SPTBN1: variants seen among roughly 807,000 people sequenced by gnomAD.
SPTBN1 encodes spectrin beta chain, non-erythrocytic 1.
In SPTBN1, 32 loss-of-function variants were observed where a neutral mutation model predicts 266.4. The ratio of observed to expected loss-of-function variants is 0.12; its 90% CI spans 0.09 to 0.16. The LOEUF (loss-of-function observed/expected upper bound fraction) is 0.16, where lower values mean the gene tolerates loss of function less well. Among genes scored for constraint, SPTBN1 ranks in the 10% least tolerant of loss-of-function variants. The pLI is 1.00. For missense variants in SPTBN1, 2,296 were observed against 3,067.1 expected, an observed-to-expected ratio of 0.75 and a Z score of 5.94; for synonymous variants, 1,336 against 1,162.2, an observed-to-expected ratio of 1.15 and a Z score of -3.04.
At chr2:54,472,949 C>G (rs909176502) in intron 1 of SPTBN1, among the ~76,000 whole-genome samples, 5 of 152,138 alleles carry the variant, frequency 3.3e-5, no homozygotes, top group African/African-American at 1.2e-4. Context: ...AAAGGATTTC[C>G]TAAAAGATGA....
chr2:54,465,878 G>T (rs763887013), intron 1 of SPTBN1, among the ~76,000 whole-genome samples: 2 of 151,962 alleles, frequency 1.3e-5, no homozygotes, highest in Admixed American at 1.3e-4. Flanking sequence ...GTCTCTAAGT[G>T]TGTTGGTACT....
At chr2:54,587,062 C>T (rs981848453) in intron 2 of SPTBN1, among the ~76,000 whole-genome samples, 5 of 152,228 alleles carry the variant, frequency 3.3e-5, no homozygotes, top group African/African-American at 9.6e-5. Context: ...AATAAACTAC[C>T]TCTGACTAGC....
In SPTBN1 at chr2:54,646,356, A is replaced by G. The variant is rs771185514; in HGVS notation, c.4747A>G (p.Lys1583Glu). The change falls in exon 23 of 36, where the codon AAA (lysine) becomes GAA (glutamate). Residue 1583 changes from lysine to glutamate, a missense_variant. Coordinates refer to ENST00000356805, the MANE Select transcript of SPTBN1 (RefSeq NM_003128.3). The surrounding 1 kb of genome is among the most constrained non-coding windows in gnomAD (Gnocchi z 4.4). ...LWGLLIEETE[K>E]RHRRLEEAHR... ...GGGTCTCCTCATTGAGGAGACAGAGAAACGCCACAGGCGGCTGGAGGAGGC... is the reference window on the plus strand; with the variant it reads ...GGGTCTCCTCATTGAGGAGACAGAGGAACGCCACAGGCGGCTGGAGGAGGC... 6.2e-7 allele frequency: 1 copy of G among 1,613,814 alleles called. No individual in the cohort carries two copies. The highest frequency in any genetic ancestry group is 8.5e-7 in the Non-Finnish European group (1 of 1,179,896).
At chr2:54,640,829 G>C (rs910635621) in intron 18 of SPTBN1, among the ~76,000 whole-genome samples, 1 of 152,258 alleles carries the variant, frequency 6.6e-6, no homozygotes, top group Non-Finnish European at 1.5e-5. Flanking sequence ...TGGGATTACA[G>C]GTGTGGGCCA....
chr2:54,596,766 G>C (rs1676120924), intron 2 of SPTBN1, among the ~76,000 whole-genome samples: 1 of 152,164 alleles, frequency 6.6e-6, no homozygotes, highest in Non-Finnish European at 1.5e-5. Flanking sequence ...GAGCCCTCCC[G>C]GCACAGATCT....
chr2:54,488,439 C>T (rs1558771332), intron 1 of SPTBN1, among the ~76,000 whole-genome samples: 1 of 152,122 alleles, frequency 6.6e-6, no homozygotes, highest in African/African-American at 2.4e-5. Context: ...TCCTAAAATC[C>T]TCTTCTTTTT....
At chr2:54,457,873 C>T (rs1408451182) in intron 1 of SPTBN1, among the ~76,000 whole-genome samples, 1 of 152,220 alleles carries the variant, frequency 6.6e-6, no homozygotes, top group East Asian at 1.9e-4. Flanking sequence ...TGCGCTCTGC[C>T]GGAGGGGCGC....
chr2:54,497,685 G>T (rs1669042140), intron 1 of SPTBN1, among the ~76,000 whole-genome samples: 1 of 152,172 alleles, frequency 6.6e-6, no homozygotes, highest in Admixed American at 6.5e-5. Flanking sequence ...CCAAGCCATA[G>T]AATTTAAAGA....
At position 54,670,382 on chromosome 2, in the gene SPTBN1, C is replaced by T. The variant is rs1311436497; in HGVS notation, c.*1813C>T. On this transcript the variant is annotated 3_prime_UTR_variant, in exon 36 of 36. Transcript: ENST00000356805. ...AATGGATATTAGTATTATGGATGTC[C>T]AGTAAGTTATTCCACAAAGACCATG... The T allele has an allele frequency of 3.8e-6, 1 of 264,848 alleles. No individual in the cohort carries two copies. The highest frequency in any genetic ancestry group is 6.5e-5 in the East Asian group (1 of 15,464). The allele number at this position is 264,848 out of a possible 1,614,324, so 16.4% of individuals were successfully genotyped here.
intron 9 of SPTBN1, among the ~76,000 whole-genome samples, chr2:54,623,069 G>A (rs1009951429): frequency 8.6e-5 from 13 of 152,028 alleles, no homozygotes; most frequent in Admixed American, 2.0e-4. Context: ...TTCCAAAGTC[G>A]TTTTTTCTTT....
chr2:54,468,530 T>A (rs1447892879), intron 1 of SPTBN1, among the ~76,000 whole-genome samples: 1 of 152,210 alleles, frequency 6.6e-6, no homozygotes, highest in South Asian at 2.1e-4. Flanking sequence ...CTCTTGCAGC[T>A]TATGCATGTT....
In SPTBN1 at chr2:54,664,495, A is replaced by G. The variant is rs765122368; in HGVS notation, c.6463A>G (p.Thr2155Ala). The stretch of plus-strand genomic sequence containing the variant: ...CACAAGCGAAATGGTCAACGGCGCT[A>G]CAGAACAAAGGACGAGCTCTAAAGA... ...VDTSEMVNGATEQRTSSKESS... is the reference protein window; with the variant it reads ...VDTSEMVNGAAEQRTSSKESS... Residue 2155 changes from threonine to alanine, a missense_variant, in exon 33 of 36, where the codon ACA becomes GCA. Thr to Ala is a moderately conservative substitution (Grantham distance 58, BLOSUM62 0). Around this residue, in one of 12 missense-constraint regions of SPTBN1, gnomAD observed 347 missense variants for 368.5 expected, o/e 0.94. Coordinates refer to ENST00000356805, the MANE Select transcript of SPTBN1 (RefSeq NM_003128.3). This position sits in a 1 kb window ranked among gnomAD's most constrained non-coding sequence, Gnocchi z 5.6. 3.1e-6 allele frequency: 5 copies of G among 1,613,982 alleles called. No homozygotes were observed. The highest frequency in any genetic ancestry group is 1.1e-5 in the South Asian group (1 of 91,094).
chr2:54,593,002 G>A (rs374257631), intron 2 of SPTBN1, among the ~76,000 whole-genome samples: 25 of 152,304 alleles, frequency 1.6e-4, no homozygotes, highest in Middle Eastern at 3.4e-3. Context: ...CAGATGCATG[G>A]CAATGTTATT....
At chr2:54,526,668 T>C in intron 2 of SPTBN1, 102 bp downstream of exon 2, 1 of 1,378,198 alleles carries the variant, frequency 7.3e-7, no homozygotes, top group South Asian at 1.5e-5. Flanking sequence ...GTTCGAAGGT[T>C]GTCTCACTTC....
At chr2:54,647,547 A>G (rs1339848914) in intron 24 of SPTBN1, among the ~76,000 whole-genome samples, 1 of 152,220 alleles carries the variant, frequency 6.6e-6, no homozygotes, top group Non-Finnish European at 1.5e-5. Flanking sequence ...CAGGTTGACT[A>G]GGCTGGGCAG....
chr2:54,486,125 C>T lies in SPTBN1; in HGVS notation c.-48+29607C>T, dbSNP rs545814364. Among the ~76,000 whole-genome samples the T allele has an allele frequency of 2.7e-4, 40 of 150,268 alleles. No homozygotes were observed. The South Asian group carries it at 5.8e-3, about 22-fold the overall frequency. ...GGGGTCAGCCCCACGCCCGGCCAGC[C>T]GCCCCGTCTGGGAGGTGAGGGGCGC... On this transcript the variant is annotated intron_variant, in intron 1 of 35. Transcript: ENST00000356805.
chr2:54,635,998 T>C (rs935320969), intron 17 of SPTBN1, among the ~76,000 whole-genome samples: 1 of 152,254 alleles, frequency 6.6e-6, no homozygotes, highest in Non-Finnish European at 1.5e-5. Context: ...ATAAAATGTC[T>C]CTGGCCTTTA....
In SPTBN1 at chr2:54,626,598, G is replaced by T. The variant is rs546153877; in HGVS notation, c.1644+364G>T. Among the ~76,000 whole-genome samples the T allele has an allele frequency of 6.6e-6, 1 of 152,172 alleles. No homozygotes were observed. The highest frequency in any genetic ancestry group is 1.5e-5 in the Non-Finnish European group (1 of 68,028). On this transcript the variant is annotated intron_variant, in intron 12 of 35. Transcript: ENST00000356805. This position sits in a 1 kb window ranked among gnomAD's most constrained non-coding sequence, Gnocchi z 4.7. ...TGGTACTACTTTGGGCAGGGGTCCCGGAGAGGTGGTATGGGGAGAAGGGAG... is the reference window on the plus strand; with the variant it reads ...TGGTACTACTTTGGGCAGGGGTCCCTGAGAGGTGGTATGGGGAGAAGGGAG...
intron 2 of SPTBN1, among the ~76,000 whole-genome samples, chr2:54,563,804 A>G (rs1673489008): frequency 6.6e-6 from 1 of 151,926 alleles, no homozygotes; most frequent in Admixed American, 6.6e-5. Context: ...GGGTTTCGCC[A>G]TATTGGCCAG....
Sources: gnomAD v4.1 joint callset for allele counts (sites outside exome capture counted in the v4.1 genomes callset) on GRCh38, gnomAD v4.1.1 for gene constraint, gnomAD v4.1.1 regional missense constraint, Gnocchi (gnomAD v3.1) non-coding constraint, MANE v1.5 for transcripts, NCBI Gene and HGNC (gene_info 2026-07-23, HGNC 2026-07-21) for gene names.